IGHMBP2: variants seen among roughly 807,000 people sequenced by gnomAD.
IGHMBP2 encodes the protein DNA-binding protein SMUBP-2.
Under a neutral mutation model 96.0 loss-of-function variants are expected in IGHMBP2, and 81 were observed. The observed-to-expected ratio is 0.84, with a 90% confidence interval of 0.71 to 1.01. The LOEUF (loss-of-function observed/expected upper bound fraction) is 1.01, where lower values mean the gene tolerates loss of function less well. IGHMBP2 is among the 50% of genes least tolerant of loss of function. The pLI is 0.00. For missense variants in IGHMBP2, 1,227 were observed against 1,306.3 expected, an observed-to-expected ratio of 0.94 and a Z score of 0.94; for synonymous variants, 557 against 548.9, an observed-to-expected ratio of 1.01 and a Z score of -0.21.
chr11:68,936,167 A>G lies in IGHMBP2; in HGVS notation c.1757-70A>G, dbSNP rs1007689107. The G allele has an allele frequency of 3.8e-6, 6 of 1,568,610 alleles. No homozygotes were observed. The African/African-American group carries it at 4.1e-5, about 11-fold the overall frequency. On this transcript the variant is annotated intron_variant, in intron 12 of 14. Transcript: ENST00000255078. ...TACACTTTTGGTGGTGGTTACTGAT[A>G]AGGGCGTAGGAGCCTGACTGTGTTT...
Position 68,906,147 on chromosome 11 carries a change from G to C in IGHMBP2, c.165G>C (p.Gln55His), listed in dbSNP as rs201692151. ...TGCTGAAGCTGCAGGTATCCAGCCA[G>C]CGCACTGGGCTGTACGGACGGCTGC... ...VCLLKLQVSSQRTGLYGRLLV... is the reference protein window; with the variant it reads ...VCLLKLQVSSHRTGLYGRLLV... Residue 55 changes from glutamine to histidine, a missense_variant, in exon 2 of 15, where the codon CAG becomes CAC. By Grantham distance (24) the Gln-to-His change is conservative (BLOSUM62 0). Transcript: ENST00000255078. The C allele has an allele frequency of 3.9e-4, 632 of 1,614,068 alleles. 1 individual carries two copies. The highest frequency in any genetic ancestry group is 3.7e-4 in the Non-Finnish European group (436 of 1,180,036).
chr11:68,903,945 C>G lies in IGHMBP2; in HGVS notation c.-8C>G. 2 of 1,578,282 alleles carry G rather than the reference C, an allele frequency of 1.3e-6. No individual in the cohort carries two copies. Among genetic ancestry groups the G allele is most frequent in the South Asian group, 2.3e-5 (2 of 87,864 alleles). On this transcript the variant is annotated 5_prime_UTR_variant, in exon 1 of 15. Coordinates refer to ENST00000255078, the MANE Select transcript of IGHMBP2 (RefSeq NM_002180.3). The stretch of plus-strand genomic sequence containing the variant: ...GTCGGCTTCTAGGGGCCCAGGCCGG[C>G]GGCGGCGATGGCCTCGGCAGCTGTG...
At chr11:68,937,637 G>C in intron 13 of IGHMBP2, 1 of 233,470 alleles carries the variant, frequency 4.3e-6, no homozygotes. Context: ...CTGGCTAGGC[G>C]TGCAGTGGGA....
rs755246217 is a variant in IGHMBP2, at chr11:68,938,376, C to T, written c.2784+22C>T. The T allele has an allele frequency of 2.6e-5, 42 of 1,590,214 alleles. No homozygotes were observed. The East Asian group carries it at 3.7e-4, about 14-fold the overall frequency. On this transcript the variant is annotated intron_variant, in intron 14 of 14. Transcript: ENST00000255078. ...CGAGGTATGTCGGCCTCCCCTCCTG[C>T]GATCAAACAGTGGGGAGGGGTGGTG...
rs371561361 is a variant in IGHMBP2 at position 68,909,922 on chromosome 11, G to A, written c.547+1291G>A. Among the ~76,000 whole-genome samples the A allele has an allele frequency of 1.7e-4, 26 of 152,294 alleles. No homozygotes were observed. The East Asian group carries it at 1.9e-3, about 11-fold the overall frequency. ...GCTGGGATTACAGGCGTGAGCCACC[G>A]TGCCCGGTCTGTGCACTTTTTATGT... On this transcript the variant is annotated intron_variant, in intron 4 of 14. Transcript: ENST00000255078.
chr11:68,914,185 A>G (rs646586), intron 5 of IGHMBP2, among the ~76,000 whole-genome samples: 39,554 of 152,016 alleles, frequency 0.26, 5,953 homozygotes, highest in South Asian at 0.48. Context: ...TTAACAGCAG[A>G]TGGTCAATTT....
chr11:68,921,223 T>C lies in IGHMBP2; in HGVS notation c.1060+3340T>C, dbSNP rs1435816562. The stretch of plus-strand genomic sequence containing the variant: ...CATAAGTTCTCACTATGCCCCATGA[T>C]TGAAGATTTCTTAGGAATTTATTTT... On this transcript the variant is annotated intron_variant, in intron 7 of 14. Coordinates refer to ENST00000255078, the MANE Select transcript of IGHMBP2 (RefSeq NM_002180.3). Among the ~76,000 whole-genome samples the C allele has an allele frequency of 2.0e-5, 3 of 151,586 alleles. No homozygotes were observed. In the South Asian group the frequency reaches 6.2e-4, roughly 32 times the overall value.
intron 4 of IGHMBP2, 49 bp downstream of exon 4, chr11:68,908,680 A>T (rs776429150): frequency 1.6e-6 from 2 of 1,285,232 alleles, no homozygotes; most frequent in Admixed American, 1.7e-5. Context: ...TACTGAAAGT[A>T]TAGAGAACAG....
At chr11:68,932,755 C>G (rs1859361228) in intron 8 of IGHMBP2, 1 of 164,974 alleles carries the variant, frequency 6.1e-6, no homozygotes, top group Non-Finnish European at 1.3e-5. Context: ...TTTCTGACCT[C>G]CAGAAACGAC....
At chr11:68,930,297 T>C (rs778628336) in intron 8 of IGHMBP2, 16 of 1,288,360 alleles carry the variant, frequency 1.2e-5, no homozygotes, top group East Asian at 5.6e-5. Flanking sequence ...TTTGAAACAC[T>C]TCTCTGTTTC....
intron 7 of IGHMBP2, among the ~76,000 whole-genome samples, chr11:68,923,571 C>T (rs568161870): frequency 6.6e-5 from 10 of 152,200 alleles, no homozygotes; most frequent in Admixed American, 2.0e-4. Context: ...CCTTTTGAGT[C>T]TTGCTTTTGA....
At chr11:68,914,785 A>G in intron 5 of IGHMBP2, 38 bp from the exon 6 acceptor site, 2 of 1,609,658 alleles carry the variant, frequency 1.2e-6, no homozygotes, top group Non-Finnish European at 1.7e-6. Flanking sequence ...TGGTTTGATT[A>G]CAAAGTAAAT....
At chr11:68,922,860 A>G (rs750055201) in intron 7 of IGHMBP2, among the ~76,000 whole-genome samples, 1 of 152,194 alleles carries the variant, frequency 6.6e-6, no homozygotes, top group African/African-American at 2.4e-5. Flanking sequence ...TGAGTTCACT[A>G]ATTTCCTTCT....
At chr11:68,929,967 GC>G (rs925194870) in intron 8 of IGHMBP2, 11 of 509,084 alleles carry the variant, frequency 2.2e-5, no homozygotes, top group African/African-American at 6.1e-5. Context: ...AGTGCTGCCC[GC>G]CCCCCCAGCC....
At position 68,930,080 on chromosome 11, in the gene IGHMBP2, G is replaced by T. The variant is rs898783837; in HGVS notation, c.1235+723G>T. The T allele has an allele frequency of 5.1e-6, 6 of 1,166,964 alleles. No individual in the cohort carries two copies. The East Asian group carries it at 3.1e-4, about 61-fold the overall frequency. 72.3% of individuals were successfully genotyped at this position (1,166,964 alleles called of 1,614,324 possible). ...CCACTCCTGCCTGGGTGTGGCGGGC[G>T]TGCCCTCTCTCCAGATGAACCCTCT... On this transcript the variant is annotated intron_variant, in intron 8 of 14. Coordinates refer to ENST00000255078, the MANE Select transcript of IGHMBP2 (RefSeq NM_002180.3).
At chr11:68,935,770 T>C (rs500314) in intron 12 of IGHMBP2, among the ~76,000 whole-genome samples, 32,901 of 152,210 alleles carry the variant, frequency 0.22, 3,773 homozygotes, top group Non-Finnish European at 0.25. Flanking sequence ...GTCGTGGCTG[T>C]GGTTTCTGTG....
chr11:68,935,752 GTGTGGTGGTCGTGGC>G (rs1200173681), intron 12 of IGHMBP2, among the ~76,000 whole-genome samples: 1 of 152,234 alleles, frequency 6.6e-6, no homozygotes, highest in Non-Finnish European at 1.5e-5. Context: ...GAGCCGCGGG[GTGTGGTGGTCGTGGC>G]TGTGGTTTCT....
rs897790329 is a variant in IGHMBP2 at position 68,940,350 on chromosome 11, G to T, written c.*619G>T. On this transcript the variant is annotated 3_prime_UTR_variant, in exon 15 of 15. Transcript: ENST00000255078. ...TCTGGCTTATAAAGGTGCCTGGCCT[G>T]TGCCAGCCCCTCCTTGTTGCGCCTC... 1.3e-5 allele frequency: 2 copies of T among 152,608 alleles called. No homozygotes were observed. Among genetic ancestry groups the T allele is most frequent in the Admixed American group, 1.3e-4 (2 of 15,318 alleles). 9.5% of individuals were successfully genotyped at this position (152,608 alleles called of 1,614,324 possible).
At chr11:68,923,144 T>TA (rs2154007829) in intron 7 of IGHMBP2, among the ~76,000 whole-genome samples, 1 of 152,346 alleles carries the variant, frequency 6.6e-6, no homozygotes, top group South Asian at 2.1e-4. Context: ...TTGAGGATTT[T>TA]ACGTTGTTGC....
Sources: allele counts gnomAD v4.1 joint callset (sites outside exome capture counted in the v4.1 genomes callset), GRCh38; gene constraint gnomAD v4.1.1; transcripts MANE v1.5; gene names NCBI Gene and HGNC (gene_info 2026-07-23, HGNC 2026-07-21).